COL4A4: variants seen among roughly 807,000 people sequenced by gnomAD.
The protein encoded by COL4A4 is collagen alpha-4(IV) chain.
In COL4A4, 105 loss-of-function variants were observed where a neutral mutation model predicts 192.9. The observed-to-expected ratio is 0.54, with a 90% CI of 0.46 to 0.64. The LOEUF is 0.64. COL4A4 is among the 30% of genes least tolerant of loss of function. The pLI is 0.00. For synonymous variants in COL4A4, 762 were observed against 769.9 expected (o/e 0.99, Z 0.17); for missense variants, 1,967 against 2,169.3 (o/e 0.91, Z 1.85).
chr2:227,110,403 G>C (rs79145173), intron 9 of COL4A4, among the ~76,000 whole-genome samples: 1,929 of 152,268 alleles, frequency 0.013, 39 homozygotes, highest in African/African-American at 0.043. Flanking sequence ...ACTTTTGGAA[G>C]GCAAAATGGA....
chr2:227,154,787 A>C (rs1243440122), intron 1 of COL4A4, among the ~76,000 whole-genome samples: 1 of 152,212 alleles, frequency 6.6e-6, no homozygotes, highest in Non-Finnish European at 1.5e-5. Context: ...AAAGAATGAC[A>C]TGTCTTATTC....
chr2:227,065,655 T>A (rs1169634579), intron 25 of COL4A4, among the ~76,000 whole-genome samples: 1 of 152,080 alleles, frequency 6.6e-6, no homozygotes, highest in Non-Finnish European at 1.5e-5. Context: ...CCAACAGACC[T>A]GCAGCTGAGG....
chr2:226,984,259 T>C, the COL4A4 span, among the ~76,000 whole-genome samples: 1 of 152,244 alleles, frequency 6.6e-6, no homozygotes, highest in African/African-American at 2.4e-5. Flanking sequence ...AATACTACCA[T>C]GGACCCGGTG....
intron 1 of COL4A4, among the ~76,000 whole-genome samples, chr2:227,161,647 T>C (rs2064842025): frequency 6.6e-6 from 1 of 152,184 alleles, no homozygotes; most frequent in African/African-American, 2.4e-5. Context: ...CTCAGAGTTT[T>C]AAGTACCAGG....
chr2:227,142,669 A>G (rs2063298131), intron 3 of COL4A4, among the ~76,000 whole-genome samples: 1 of 152,000 alleles, frequency 6.6e-6, no homozygotes, highest in Admixed American at 6.6e-5. Flanking sequence ...AGGTGGGAGA[A>G]TCACTTGAAC....
chr2:227,144,390 C>G (rs2063409798), intron 3 of COL4A4, 126 bp downstream of exon 3: 1 of 781,708 alleles, frequency 1.3e-6, no homozygotes, highest in African/African-American at 1.7e-5. Flanking sequence ...TTATTTAGTC[C>G]TATTCTCCAT....
At chr2:227,052,514 C>T (rs1405486104) in intron 31 of COL4A4, 102 bp from the exon 32 acceptor site, 1 of 744,874 alleles carries the variant, frequency 1.3e-6, no homozygotes, top group African/African-American at 1.7e-5. Context: ...CCCACTTAAC[C>T]TACGAAGCTC....
At chr2:227,041,846 A>AAGAAAGAGAGAGAG (rs1559478097) in intron 37 of COL4A4, among the ~76,000 whole-genome samples, 8 of 39,320 alleles carry the variant, frequency 2.0e-4, no homozygotes, top group African/African-American at 6.8e-4. Context: ...GAAAGAAAGA[A>AAGAAAGAGAGAGAG]AGAGAAAGAA....
chr2:227,140,365 A>T (rs190011941), intron 3 of COL4A4, 127 bp from the exon 4 acceptor site: 1 of 753,424 alleles, frequency 1.3e-6, no homozygotes, highest in Non-Finnish European at 2.3e-6. Context: ...TAATCATGAC[A>T]TATAAAAAGA....
intron 22 of COL4A4, among the ~76,000 whole-genome samples, chr2:227,083,027 G>A (rs1050653244): frequency 4.6e-5 from 7 of 152,240 alleles, no homozygotes; most frequent in African/African-American, 7.2e-5. Context: ...CCAAGAGTTC[G>A]AGACTAGCCT....
chr2:227,052,401 GTCCTATGGC>G lies in COL4A4; in HGVS notation c.2863_2871del (p.Ala955_Gly957del). The G allele has an allele frequency of 6.3e-7, 1 of 1,599,230 alleles. No individual in the cohort carries two copies. Among genetic ancestry groups the G allele is most frequent in the Non-Finnish European group, 8.6e-7 (1 of 1,166,566 alleles). Reference sequence around the variant, plus strand: ...GCCATTTCTCCTTCATCTCCGGGAGGTCCTATGGCTCCTATGGATATTAATTATGCAAGA... The same window carrying G: ...GCCATTTCTCCTTCATCTCCGGGAGGTCCTATGGATATTAATTATGCAAGA... On this transcript the variant is annotated inframe_deletion and splice_region_variant, in exon 32 of 48. Transcript: ENST00000396625.
intron 22 of COL4A4, among the ~76,000 whole-genome samples, chr2:227,086,361 TTCTG>T (rs2059602363): frequency 6.6e-6 from 1 of 152,122 alleles, no homozygotes; most frequent in Non-Finnish European, 1.5e-5. Context: ...TTTCATGCTC[TTCTG>T]TCTGTCCTTC....
chr2:227,134,278 G>A (rs1488503421), intron 4 of COL4A4, among the ~76,000 whole-genome samples: 1 of 152,134 alleles, frequency 6.6e-6, no homozygotes, highest in African/African-American at 2.4e-5. Context: ...TCTCTGACAG[G>A]GACTTCATTT....
At chr2:226,969,286 C>T in the COL4A4 span, among the ~76,000 whole-genome samples, 3 of 151,868 alleles carry the variant, frequency 2.0e-5, no homozygotes, top group Non-Finnish European at 2.9e-5. Flanking sequence ...TTCTCTTGAC[C>T]TTAGTTCCTA....
chr2:227,108,883 A>G lies in COL4A4; in HGVS notation c.658-15T>C, dbSNP rs1336154858. On this transcript the variant is annotated splice_polypyrimidine_tract_variant and intron_variant, in intron 10 of 47. Transcript: ENST00000396625. ...CCCGGAGGTCCCTAAATCAAGGGAGAAAAAAACACAAATCAATCATCAGAC... is the reference window on the plus strand; with the variant it reads ...CCCGGAGGTCCCTAAATCAAGGGAGGAAAAAACACAAATCAATCATCAGAC... 6.2e-7 allele frequency: 1 copy of G among 1,609,554 alleles called. No homozygotes were observed. The highest frequency in any genetic ancestry group is 1.3e-5 in the African/African-American group (1 of 74,892).
intron 45 of COL4A4, among the ~76,000 whole-genome samples, chr2:227,011,349 G>T (rs547496279): frequency 6.6e-6 from 1 of 152,186 alleles, no homozygotes; most frequent in Non-Finnish European, 1.5e-5. Flanking sequence ...AGGCCTGCTC[G>T]TGTGTTTTGA....
intron 12 of COL4A4, among the ~76,000 whole-genome samples, chr2:227,105,376 G>T (rs976335500): frequency 9.2e-5 from 14 of 151,938 alleles, no homozygotes; most frequent in African/African-American, 3.4e-4. Context: ...ATTTTCAGTA[G>T]AGATGGGATT....
the COL4A4 span, among the ~76,000 whole-genome samples, chr2:226,968,034 G>C: frequency 1.3e-5 from 2 of 152,118 alleles, no homozygotes; most frequent in South Asian, 4.1e-4. Flanking sequence ...TCATAGGAGG[G>C]TGAAACACCC....
downstream of COL4A4, among the ~76,000 whole-genome samples, chr2:227,001,605 A>G (rs1420169692): frequency 6.6e-6 from 1 of 152,194 alleles, no homozygotes; most frequent in Non-Finnish European, 1.5e-5. Context: ...AATGGAGTAA[A>G]GGATAAAAGT....
Sources: allele counts gnomAD v4.1 joint callset (sites outside exome capture counted in the v4.1 genomes callset), GRCh38; gene constraint gnomAD v4.1.1; transcripts MANE v1.5; gene names NCBI Gene and HGNC (gene_info 2026-07-23, HGNC 2026-07-21).